Variants in HEMK2 observed in about 807,000 individuals in gnomAD.
HEMK2 encodes HemK methyltransferase 2, ETF1 glutamine and histone H4 lysine.
At chr21:28,646,643 G>C in the HEMK2 span, among the ~76,000 whole-genome samples, 1 of 152,182 alleles carries the variant, frequency 6.6e-6, no homozygotes, top group African/African-American at 2.4e-5. Context: ...GCATCAGTCA[G>C]GTGGCAGCTG....
At chr21:28,788,160 A>G in the HEMK2 span, among the ~76,000 whole-genome samples, 2 of 150,402 alleles carry the variant, frequency 1.3e-5, no homozygotes, top group Non-Finnish European at 3.0e-5. Context: ...ATATGTATAC[A>G]TATATACTCC....
chr21:28,594,428 G>C, the HEMK2 span, among the ~76,000 whole-genome samples: 1 of 152,140 alleles, frequency 6.6e-6, no homozygotes. Flanking sequence ...GGGAAACTGA[G>C]TGCATGTTAT....
chr21:28,709,771 G>T, the HEMK2 span, among the ~76,000 whole-genome samples: 1 of 152,204 alleles, frequency 6.6e-6, no homozygotes, highest in South Asian at 2.1e-4. Context: ...AGAGGGCTGG[G>T]GCGAGAGGAA....
At chr21:28,606,291 T>G in the HEMK2 span, among the ~76,000 whole-genome samples, 1 of 152,206 alleles carries the variant, frequency 6.6e-6, no homozygotes, top group Non-Finnish European at 1.5e-5. Flanking sequence ...TTCTCTAAGT[T>G]ACCAAAATCG....
At chr21:28,580,057 C>T in the HEMK2 span, among the ~76,000 whole-genome samples, 6 of 152,120 alleles carry the variant, frequency 3.9e-5, no homozygotes, top group Admixed American at 2.6e-4. Flanking sequence ...TGACAGTAGG[C>T]AAAAAGTGAG....
the HEMK2 span, among the ~76,000 whole-genome samples, chr21:28,701,259 A>G: frequency 8.5e-5 from 13 of 152,048 alleles, no homozygotes; most frequent in African/African-American, 2.9e-4. Flanking sequence ...CTCTCTCTCC[A>G]CTCCTATTCA....
the HEMK2 span, among the ~76,000 whole-genome samples, chr21:28,841,101 T>TA: frequency 4.9e-5 from 2 of 41,204 alleles, no homozygotes; most frequent in South Asian, 1.2e-3. Context: ...ATATTATATA[T>TA]TATATAATAA....
the HEMK2 span, among the ~76,000 whole-genome samples, chr21:28,596,317 CCAAA>C: frequency 6.6e-6 from 1 of 152,106 alleles, no homozygotes; most frequent in East Asian, 1.9e-4. Context: ...CGCGCCCAAC[CCAAA>C]CAGTTCTTAT....
At chr21:28,694,997 CA>C in the HEMK2 span, among the ~76,000 whole-genome samples, 325 of 109,954 alleles carry the variant, frequency 3.0e-3, no homozygotes, top group Middle Eastern at 5.1e-3. Context: ...GACTCTGTCT[CA>C]AAAAAAAAAA....
the HEMK2 span, chr21:28,876,227 A>G: frequency 4.4e-6 from 2 of 449,646 alleles, no homozygotes; most frequent in Non-Finnish European, 7.9e-6. Context: ...ACTTGTGCAA[A>G]TAATTCTATA....
chr21:28,760,449 T>A, the HEMK2 span, among the ~76,000 whole-genome samples: 2 of 152,218 alleles, frequency 1.3e-5, no homozygotes, highest in African/African-American at 4.8e-5. Flanking sequence ...GTCTGTATTC[T>A]GTTAAAAATT....
At chr21:28,885,064 A>G in the HEMK2 span, 12 of 1,233,760 alleles carry the variant, frequency 9.7e-6, no homozygotes, top group Non-Finnish European at 1.3e-5. Flanking sequence ...AAAATTCTCA[A>G]TTACGGCGTC....
the HEMK2 span, among the ~76,000 whole-genome samples, chr21:28,710,978 G>A: frequency 2.6e-5 from 4 of 151,790 alleles, no homozygotes; most frequent in African/African-American, 9.7e-5. Context: ...CGTCTTTTCT[G>A]CTGGTGGCAC....
chr21:28,756,339 T>C, the HEMK2 span, among the ~76,000 whole-genome samples: 2 of 152,306 alleles, frequency 1.3e-5, no homozygotes, highest in South Asian at 4.1e-4. Flanking sequence ...GCATATACCA[T>C]GTGCCCAGTT....
the HEMK2 span, among the ~76,000 whole-genome samples, chr21:28,679,374 G>A: frequency 2.0e-5 from 3 of 152,104 alleles, no homozygotes; most frequent in Non-Finnish European, 4.4e-5. Context: ...TCCAACACAA[G>A]AGCACCCAGA....
chr21:28,593,077 T>A, the HEMK2 span, among the ~76,000 whole-genome samples: 2 of 152,114 alleles, frequency 1.3e-5, no homozygotes, highest in Admixed American at 1.3e-4. Flanking sequence ...ATGCTTATAA[T>A]CCCAGCTACT....
the HEMK2 span, among the ~76,000 whole-genome samples, chr21:28,614,808 C>T: frequency 7.9e-5 from 12 of 152,270 alleles, no homozygotes; most frequent in South Asian, 2.3e-3. Flanking sequence ...AGAGAATTCG[C>T]TAACACAGCA....
the HEMK2 span, among the ~76,000 whole-genome samples, chr21:28,722,605 G>C: frequency 6.6e-6 from 1 of 152,328 alleles, no homozygotes; most frequent in South Asian, 2.1e-4. Context: ...CCATAGGCCG[G>C]GCACGGTGGC....
the HEMK2 span, among the ~76,000 whole-genome samples, chr21:28,853,772 A>G: frequency 1.3e-5 from 2 of 152,134 alleles, no homozygotes; most frequent in Non-Finnish European, 2.9e-5. Flanking sequence ...GGAGTTGAGG[A>G]AGGTATTTCT....
Sources: gnomAD v4.1 joint callset for allele counts (sites outside exome capture counted in the v4.1 genomes callset) on GRCh38, gnomAD v4.1.1 for gene constraint, MANE v1.5 for transcripts, NCBI Gene and HGNC (gene_info 2026-07-23, HGNC 2026-07-21) for gene names.